FGF13: variants seen among roughly 807,000 people sequenced by gnomAD.
FGF13 encodes the protein fibroblast growth factor homologous factor 2.
A neutral mutation model predicts 19.5 loss-of-function variants in FGF13; 2 were observed. The observed-to-expected ratio is 0.10, with a 90% CI of 0.04 to 0.32. FGF13 has a LOEUF of 0.32. FGF13 is among the 10% of genes least tolerant of loss of function. FGF13 has a pLI of 1.00. For synonymous variants in FGF13, 72 were observed against 76.9 expected (o/e 0.94, Z 0.33); for missense variants, 113 against 192.7 (o/e 0.59, Z 2.45).
At chrX:138,885,702 C>CT (rs1456003743) in intron 1 of FGF13, among the ~76,000 whole-genome samples, 5 of 107,545 alleles carry the variant, frequency 4.6e-5, no homozygotes, top group African/African-American at 1.7e-4. Context: ...CTTCTCTAAC[C>CT]CCCCCCGCCA....
intron 1 of FGF13, among the ~76,000 whole-genome samples, chrX:139,045,359 T>C (rs1422830672): frequency 8.9e-6 from 1 of 112,270 alleles, no homozygotes. Context: ...TGGGAAAGTC[T>C]CTGAAGTGCC....
At chrX:138,736,528 T>C (rs947683033) in intron 1 of FGF13, among the ~76,000 whole-genome samples, 2 of 110,768 alleles carry the variant, frequency 1.8e-5, no homozygotes, top group African/African-American at 6.6e-5. Context: ...GAAAGCACTT[T>C]GAGGCACTGC....
chrX:139,051,185 C>T (rs139351171), intron 1 of FGF13, among the ~76,000 whole-genome samples: 1,177 of 112,088 alleles, frequency 0.011, 15 homozygotes, highest in African/African-American at 0.036. Flanking sequence ...TGTAAGATGT[C>T]CTAGGTAGCA....
At chrX:138,962,793 C>A (rs375741433) in intron 1 of FGF13, among the ~76,000 whole-genome samples, 1 of 111,321 alleles carries the variant, frequency 9.0e-6, no homozygotes, top group South Asian at 3.8e-4. Flanking sequence ...GGGAATTGAA[C>A]AATGAGAACA....
chrX:139,069,730 A>G (rs1393164343), intron 1 of FGF13, among the ~76,000 whole-genome samples: 1 of 112,509 alleles, frequency 8.9e-6, no homozygotes, highest in Non-Finnish European at 1.9e-5. Context: ...ACTTCACACT[A>G]TACTACAAGG....
intron 1 of FGF13, among the ~76,000 whole-genome samples, chrX:139,097,617 C>A (rs375369309): frequency 9.0e-6 from 1 of 111,571 alleles, no homozygotes; most frequent in African/African-American, 3.3e-5. Context: ...TCTCAAAAGA[C>A]GCAGAAGATG....
chrX:138,653,852 C>A (rs757036810), intron 3 of FGF13, among the ~76,000 whole-genome samples: 9 of 112,108 alleles, frequency 8.0e-5, no homozygotes, highest in African/African-American at 2.3e-4. Flanking sequence ...CTGCAATCAA[C>A]TGTCTTGGCT....
chrX:139,134,104 T>A (rs1035320879), intron 1 of FGF13, among the ~76,000 whole-genome samples: 3 of 111,801 alleles, frequency 2.7e-5, no homozygotes, highest in African/African-American at 9.8e-5. Flanking sequence ...CAGATCAACA[T>A]GGCAGAACAT....
chrX:138,813,495 T>C (rs2090941178), intron 3 of FGF13, among the ~76,000 whole-genome samples: 1 of 112,045 alleles, frequency 8.9e-6, no homozygotes. Context: ...CCTCCTTGTT[T>C]TACTTTTCTG....
At chrX:139,170,144 G>A (rs1476040617) in intron 1 of FGF13, among the ~76,000 whole-genome samples, 1 of 111,149 alleles carries the variant, frequency 9.0e-6, no homozygotes, top group Non-Finnish European at 1.9e-5. Context: ...ATTAATTAAA[G>A]TATAAAAACC....
intron 3 of FGF13, among the ~76,000 whole-genome samples, chrX:138,830,633 C>T (rs1433519174): frequency 1.9e-5 from 2 of 106,557 alleles, no homozygotes; most frequent in African/African-American, 3.4e-5. Flanking sequence ...AGAAGCAGAA[C>T]AGAAAAGTTT....
At chrX:139,125,141 A>G (rs1422424295) in intron 1 of FGF13, among the ~76,000 whole-genome samples, 5 of 112,191 alleles carry the variant, frequency 4.5e-5, no homozygotes, top group African/African-American at 1.6e-4. Flanking sequence ...ATTAAAATCA[A>G]TTATGGAAGT....
At chrX:138,662,897 T>C (rs1195795611) in intron 3 of FGF13, among the ~76,000 whole-genome samples, 2 of 111,512 alleles carry the variant, frequency 1.8e-5, no homozygotes, top group East Asian at 5.7e-4. Flanking sequence ...GGGGTGTTTC[T>C]TTGTTCTAGA....
At chrX:139,197,024 C>T (rs1404200775) in intron 1 of FGF13, among the ~76,000 whole-genome samples, 1 of 111,750 alleles carries the variant, frequency 8.9e-6, no homozygotes, top group Non-Finnish European at 1.9e-5. Context: ...TGTAAATATC[C>T]CTAGGTATTT....
At chrX:138,831,706 A>G (rs1261608592) in intron 3 of FGF13, among the ~76,000 whole-genome samples, 2 of 108,877 alleles carry the variant, frequency 1.8e-5, no homozygotes, top group Admixed American at 9.9e-5. Context: ...AGTTCAAGGG[A>G]ACAATTGTAG....
chrX:138,820,058 GT>G (rs2090988252), intron 3 of FGF13, among the ~76,000 whole-genome samples: 1 of 111,251 alleles, frequency 9.0e-6, no homozygotes, highest in African/African-American at 3.3e-5. Flanking sequence ...TGAGAAACAA[GT>G]AAAATCAAAT....
At chrX:138,795,990 A>G (rs1431012733) in intron 3 of FGF13, among the ~76,000 whole-genome samples, 1 of 111,797 alleles carries the variant, frequency 8.9e-6, no homozygotes, top group Non-Finnish European at 1.9e-5. Flanking sequence ...TAACCATCAA[A>G]TCCAATGACT....
In FGF13 at chrX:138,632,815, G is replaced by C. The variant is rs2089134235; in HGVS notation, c.*35C>G. On this transcript the variant is annotated 3_prime_UTR_variant, in exon 5 of 5. Coordinates refer to ENST00000315930, the MANE Select transcript of FGF13 (RefSeq NM_004114.5). ...GAATTCAACAGCACCTGGAGGTAAGGTTCTGTTACAGAGCCCTTCTTTTGC... is the reference window on the plus strand; with the variant it reads ...GAATTCAACAGCACCTGGAGGTAAGCTTCTGTTACAGAGCCCTTCTTTTGC... 8.4e-7 allele frequency: 1 copy of C among 1,189,109 alleles called. No homozygotes were observed. Among genetic ancestry groups the C allele is most frequent in the African/African-American group, 1.8e-5 (1 of 56,608 alleles).
At chrX:138,801,878 T>G (rs2090832404) in intron 3 of FGF13, among the ~76,000 whole-genome samples, 1 of 111,958 alleles carries the variant, frequency 8.9e-6, no homozygotes, top group Non-Finnish European at 1.9e-5. Flanking sequence ...TTCTTAGCAC[T>G]GTCAGGGGAA....
Sources: allele counts gnomAD v4.1 joint callset (sites outside exome capture counted in the v4.1 genomes callset), GRCh38; gene constraint gnomAD v4.1.1; transcripts MANE v1.5; gene names NCBI Gene and HGNC (gene_info 2026-07-23, HGNC 2026-07-21).